The following UBR3 variants were observed in gnomAD, a reference collection of about 807,000 sequenced individuals.
The protein encoded by UBR3 is ubiquitin protein ligase E3 component n-recognin 3, also known as E3 ubiquitin-protein ligase UBR3.
Under a neutral mutation model 243.2 loss-of-function variants are expected in UBR3, and 85 were observed. The observed-to-expected ratio is 0.35, with a 90% CI of 0.29 to 0.42. UBR3 has a LOEUF of 0.42. Ranked by LOEUF, UBR3 falls within the 10% of genes least tolerant of loss-of-function variation. The probability of loss-of-function intolerance (pLI) is 1.00; values close to 1 mark genes in which losing one functional copy is unlikely to be tolerated. For synonymous variants in UBR3, 748 were observed against 799.8 expected, an observed-to-expected ratio of 0.94 and a Z score of 1.09; for missense variants, 1,686 against 2,300.8, an observed-to-expected ratio of 0.73 and a Z score of 5.47.
At chr2:169,959,828 C>T (rs891919702) in intron 24 of UBR3, among the ~76,000 whole-genome samples, 1 of 152,156 alleles carries the variant, frequency 6.6e-6, no homozygotes, top group African/African-American at 2.4e-5. Context: ...GCCAATTTAT[C>T]CATTTCTTTT....
chr2:169,905,076 T>C, intron 8 of UBR3, 38 bp from the exon 9 acceptor site: 1 of 1,414,164 alleles, frequency 7.1e-7, no homozygotes. Flanking sequence ...TTTAAAAAAA[T>C]CTTATGAAAT....
At chr2:169,915,055 G>T (rs1255075017) in intron 11 of UBR3, among the ~76,000 whole-genome samples, 1 of 151,954 alleles carries the variant, frequency 6.6e-6, no homozygotes, top group African/African-American at 2.4e-5. Context: ...TAGCCAGAAT[G>T]CAACTATAAA....
intron 35 of UBR3, among the ~76,000 whole-genome samples, chr2:170,066,993 T>TTAATAATAATAATAATAATAAA: frequency 6.9e-6 from 1 of 144,276 alleles, no homozygotes; most frequent in Non-Finnish European, 1.5e-5. Context: ...ATAATAATAA[T>TTAATAATAATAATAATAATAAA]AAACTTCATT....
At chr2:169,983,971 G>C (rs2088881223) in intron 24 of UBR3, among the ~76,000 whole-genome samples, 1 of 152,150 alleles carries the variant, frequency 6.6e-6, no homozygotes, top group African/African-American at 2.4e-5. Context: ...TTATTTGGTA[G>C]CAAGAATATT....
chr2:170,005,954 G>A (rs555431135), intron 27 of UBR3, among the ~76,000 whole-genome samples: 1 of 152,170 alleles, frequency 6.6e-6, no homozygotes, highest in African/African-American at 2.4e-5. Flanking sequence ...GCCAGCACCA[G>A]AGGGTGCTGA....
chr2:170,023,262 C>T (rs567876539), intron 30 of UBR3, among the ~76,000 whole-genome samples: 2 of 152,012 alleles, frequency 1.3e-5, no homozygotes, highest in African/African-American at 4.8e-5. Flanking sequence ...TATGTGTCAC[C>T]TTGCCTGGCT....
intron 5 of UBR3, among the ~76,000 whole-genome samples, chr2:169,882,283 TTA>T (rs1010344097): frequency 8.8e-4 from 124 of 140,328 alleles, no homozygotes; most frequent in African/African-American, 3.0e-3. Context: ...TATCATATAT[TTA>T]TATATTGTAT....
chr2:169,979,328 G>A (rs562674993), intron 24 of UBR3, among the ~76,000 whole-genome samples: 3 of 152,306 alleles, frequency 2.0e-5, no homozygotes, highest in African/African-American at 7.2e-5. Context: ...GGCTGCTTTG[G>A]AAGAGTCTGG....
Position 169,947,728 on chromosome 2 carries a change from G to A in UBR3, c.3084+13G>A. On this transcript the variant is annotated intron_variant, in intron 22 of 38. Transcript: ENST00000272793. ...GGGTTCTTTACAAGTAAGTGTAAAT[G>A]TAAGAAAGAAAATAAGAAAAAGCTT... 6.9e-7 allele frequency: 1 copy of A among 1,444,424 alleles called. No homozygotes were observed. The highest frequency in any genetic ancestry group is 1.5e-5 in the African/African-American group (1 of 68,520). The allele number at this position is 1,444,424 out of a possible 1,614,324, so 89.5% of individuals were successfully genotyped here.
chr2:169,891,219 A>C lies in UBR3; in HGVS notation c.1093A>C (p.Ser365Arg). ...CAAGAGAAAAAGGGTAAAACTAAGC[A>C]GTGGCACCAAAGGTATTTGTATTTA... ...LGKRKRVKLS[S>R]GTKDQSIMDV... The change falls in exon 6 of 39, where the codon AGT becomes CGT. Residue 365 changes from serine (S) to arginine (R), a missense_variant. Coordinates refer to ENST00000272793, the MANE Select transcript of UBR3 (RefSeq NM_172070.4). 6.5e-7 allele frequency: 1 copy of C among 1,549,400 alleles called. No homozygotes were observed. The highest frequency in any genetic ancestry group is 8.7e-7 in the Non-Finnish European group (1 of 1,145,400).
intron 8 of UBR3, 112 bp downstream of exon 8, chr2:169,896,847 T>A: frequency 1.4e-6 from 1 of 727,046 alleles, no homozygotes; most frequent in Non-Finnish European, 2.0e-6. Context: ...TTAGTATTAT[T>A]AATCATATTC....
intron 19 of UBR3, among the ~76,000 whole-genome samples, chr2:169,939,610 C>T (rs111637982): frequency 0.044 from 6,578 of 149,404 alleles, 161 homozygotes; most frequent in Middle Eastern, 0.071. Flanking sequence ...GTCTTCCAGG[C>T]TGGTGTGTAG....
chr2:169,907,624 C>T (rs534597078), intron 10 of UBR3, among the ~76,000 whole-genome samples: 1 of 152,122 alleles, frequency 6.6e-6, no homozygotes, highest in Non-Finnish European at 1.5e-5. Flanking sequence ...CTTTTCTAAG[C>T]TCTATATATC....
chr2:169,970,266 G>T (rs2088057019), intron 24 of UBR3, among the ~76,000 whole-genome samples: 3 of 121,288 alleles, frequency 2.5e-5, no homozygotes, highest in Non-Finnish European at 5.2e-5. Context: ...TAGCTGTTGT[G>T]AGTTTTTTTC....
intron 18 of UBR3, among the ~76,000 whole-genome samples, chr2:169,931,020 T>C (rs1296199750): frequency 6.6e-6 from 1 of 152,226 alleles, no homozygotes; most frequent in Non-Finnish European, 1.5e-5. Context: ...ATAAAAGCTT[T>C]GGCATGTTAA....
At position 169,965,492 on chromosome 2, in the gene UBR3, T is replaced by C. The variant is rs186471682; in HGVS notation, c.3634+6966T>C. On this transcript the variant is annotated intron_variant, in intron 24 of 38. Coordinates refer to ENST00000272793, the MANE Select transcript of UBR3 (RefSeq NM_172070.4). ...TTTTTCCTATACATGATAAAGTTTA[T>C]AAATTAAGCACAGTAAGAGATTAGC... Among the ~76,000 whole-genome samples, 4 of 152,240 alleles carry C rather than the reference T, an allele frequency of 2.6e-5. No individual in the cohort carries two copies. In the East Asian group the frequency reaches 7.7e-4, roughly 29 times the overall value.
chr2:170,073,622 T>C lies in UBR3; in HGVS notation c.5199+15T>C, dbSNP rs748882078. 3.1e-6 allele frequency: 5 copies of C among 1,608,928 alleles called. No individual in the cohort carries two copies. The Admixed American group carries it at 6.8e-5, about 22-fold the overall frequency. On this transcript the variant is annotated intron_variant, in intron 36 of 38. Transcript: ENST00000272793. Reference sequence around the variant, plus strand: ...AACAAGGAAAGGTATGTTAAAAGAGTTGTACTAGCTTGTCACGGTGGTGAT... The same window carrying C: ...AACAAGGAAAGGTATGTTAAAAGAGCTGTACTAGCTTGTCACGGTGGTGAT...
At chr2:169,888,348 A>G (rs60663608) in intron 5 of UBR3, among the ~76,000 whole-genome samples, 6,622 of 151,440 alleles carry the variant, frequency 0.044, 164 homozygotes, top group Middle Eastern at 0.068. Context: ...CATACAGGTC[A>G]GGCTGATCTC....
At chr2:169,850,843 CAAA>C (rs780578795) in intron 1 of UBR3, among the ~76,000 whole-genome samples, 1 of 105,542 alleles carries the variant, frequency 9.5e-6, no homozygotes. Flanking sequence ...GACTCAGTCT[CAAA>C]AAAAAAAAAA....
Sources: gnomAD v4.1 joint callset for allele counts (sites outside exome capture counted in the v4.1 genomes callset) on GRCh38, gnomAD v4.1.1 for gene constraint, MANE v1.5 for transcripts, NCBI Gene and HGNC (gene_info 2026-07-23, HGNC 2026-07-21) for gene names.